The following ZFPM2 variants were observed in gnomAD, a reference collection of about 807,000 sequenced individuals.
ZFPM2 encodes the protein zinc finger protein ZFPM2.
A neutral mutation model predicts 98.6 loss-of-function variants in ZFPM2; 20 were observed. That is an observed-to-expected ratio of 0.20 (90% CI 0.14 to 0.29). The LOEUF (loss-of-function observed/expected upper bound fraction) is 0.29, where lower values mean the gene tolerates loss of function less well. Ranked by LOEUF, ZFPM2 falls within the 10% of genes least tolerant of loss-of-function variation. The pLI, the probability that ZFPM2 is intolerant of heterozygous loss-of-function variation, is 1.00. For synonymous variants in ZFPM2, 518 were observed against 502.7 expected, an observed-to-expected ratio of 1.03 and a Z score of -0.41; for missense variants, 1,310 against 1,388.6, an observed-to-expected ratio of 0.94 and a Z score of 0.90.
At chr8:105,484,615 G>A (rs768884131) in intron 3 of ZFPM2, among the ~76,000 whole-genome samples, 32 of 151,946 alleles carry the variant, frequency 2.1e-4, no homozygotes, top group Non-Finnish European at 2.9e-4. Flanking sequence ...ATGAGTACAC[G>A]TCCTTAGAAT....
intron 1 of ZFPM2, among the ~76,000 whole-genome samples, chr8:105,374,359 C>T (rs1249647986): frequency 6.6e-6 from 1 of 152,022 alleles, no homozygotes; most frequent in African/African-American, 2.4e-5. Flanking sequence ...TTTTAAGCAA[C>T]TGTAAGGAAA....
At chr8:105,616,101 A>G (rs1300615302) in intron 4 of ZFPM2, among the ~76,000 whole-genome samples, 1 of 152,116 alleles carries the variant, frequency 6.6e-6, no homozygotes, top group Non-Finnish European at 1.5e-5. Flanking sequence ...TAGATAAGGC[A>G]TTCCCAATTT....
intron 1 of ZFPM2, among the ~76,000 whole-genome samples, chr8:105,414,027 A>G (rs1290944470): frequency 6.6e-6 from 1 of 151,952 alleles, no homozygotes; most frequent in African/African-American, 2.4e-5. Flanking sequence ...GTTGCAATCA[A>G]GGCTGCCCAG....
intron 5 of ZFPM2, among the ~76,000 whole-genome samples, chr8:105,693,798 TG>T (rs1244390419): frequency 1.3e-5 from 2 of 152,054 alleles, no homozygotes; most frequent in Non-Finnish European, 2.9e-5. Flanking sequence ...TACATATTTA[TG>T]GGGTACATGT....
At chr8:105,589,319 C>T (rs1474819321) in intron 4 of ZFPM2, among the ~76,000 whole-genome samples, 1 of 152,148 alleles carries the variant, frequency 6.6e-6, no homozygotes. Context: ...TTGTTAAATG[C>T]ACATAACAAT....
rs1817229430 is a variant in ZFPM2, at chr8:105,653,850, CTA to C, written c.532+19495_532+19496del. Among the ~76,000 whole-genome samples the C allele has an allele frequency of 6.7e-5, 5 of 74,290 alleles. No homozygotes were observed. The South Asian group carries it at 1.5e-3, about 23-fold the overall frequency. 48.7% of individuals were successfully genotyped at this position (74,290 alleles called of 152,430 possible). A position where few individuals can be genotyped will look rare whatever the true frequency, so the allele number is the denominator to read the frequency against. On this transcript the variant is annotated intron_variant, in intron 5 of 7. Coordinates refer to ENST00000407775, the MANE Select transcript of ZFPM2 (RefSeq NM_012082.4). ...TTGTCTTTATACAACAGCTTGTGTG[CTA>C]TCTTTTTTTTTTTTTTTTTTTTTTT...
intron 3 of ZFPM2, among the ~76,000 whole-genome samples, chr8:105,530,442 T>A (rs1317561481): frequency 6.6e-6 from 1 of 152,124 alleles, no homozygotes; most frequent in Non-Finnish European, 1.5e-5. Flanking sequence ...AGAAATTTAT[T>A]TTTTCACAGA....
chr8:105,662,361 CAA>C (rs1452005966), intron 5 of ZFPM2: 4 of 152,076 alleles, frequency 2.6e-5, no homozygotes, highest in Non-Finnish European at 5.9e-5. Context: ...TGCTATTACA[CAA>C]ACAGTACTTA....
At chr8:105,365,470 G>A (rs1450101804) in intron 1 of ZFPM2, among the ~76,000 whole-genome samples, 1 of 152,042 alleles carries the variant, frequency 6.6e-6, no homozygotes. Context: ...ATTTAAAATA[G>A]GTGATTAAAT....
At chr8:105,351,401 G>T (rs1331398276) in intron 1 of ZFPM2, among the ~76,000 whole-genome samples, 1 of 151,260 alleles carries the variant, frequency 6.6e-6, no homozygotes, top group African/African-American at 2.4e-5. Context: ...GTGTGTGTAT[G>T]TAAATATTTC....
chr8:105,640,841 A>C (rs1167086419), intron 5 of ZFPM2, among the ~76,000 whole-genome samples: 2 of 152,024 alleles, frequency 1.3e-5, no homozygotes, highest in African/African-American at 2.4e-5. Context: ...TAAATAATAA[A>C]CTAATTTAAA....
intron 5 of ZFPM2, among the ~76,000 whole-genome samples, chr8:105,654,448 G>T (rs1314505169): frequency 6.6e-6 from 1 of 152,144 alleles, no homozygotes; most frequent in African/African-American, 2.4e-5. Flanking sequence ...TTTGATCATG[G>T]TGGACAAGGT....
At chr8:105,777,658 C>A (rs1813134830) in intron 5 of ZFPM2, among the ~76,000 whole-genome samples, 1 of 152,128 alleles carries the variant, frequency 6.6e-6, no homozygotes, top group African/African-American at 2.4e-5. Flanking sequence ...TTGCAAAATG[C>A]TTTGATTTAT....
intron 2 of ZFPM2, among the ~76,000 whole-genome samples, chr8:105,437,273 T>C (rs1466457441): frequency 6.6e-6 from 1 of 152,176 alleles, no homozygotes. Flanking sequence ...GCAATACTTA[T>C]TTTCAGTATC....
chr8:105,483,037 T>TC (rs1357444435), intron 3 of ZFPM2, among the ~76,000 whole-genome samples: 20 of 142,682 alleles, frequency 1.4e-4, no homozygotes, highest in Non-Finnish European at 2.4e-4. Flanking sequence ...CTTCCTTCCT[T>TC]CTTTATTTTA....
chr8:105,464,638 A>T (rs1269821801), intron 3 of ZFPM2, among the ~76,000 whole-genome samples: 1 of 151,988 alleles, frequency 6.6e-6, no homozygotes, highest in Non-Finnish European at 1.5e-5. Flanking sequence ...AAAGGGATTT[A>T]ATGGTGGGGT....
chr8:105,547,491 A>G (rs7008697), intron 3 of ZFPM2, among the ~76,000 whole-genome samples: 101,019 of 146,176 alleles, frequency 0.69, 36,342 homozygotes, highest in African/African-American at 0.92. Flanking sequence ...GCAGTGAGCC[A>G]AGATCACACC....
intron 5 of ZFPM2, among the ~76,000 whole-genome samples, chr8:105,640,473 G>A (rs189312674): frequency 2.1e-4 from 32 of 152,066 alleles, no homozygotes; most frequent in Non-Finnish European, 3.8e-4. Flanking sequence ...AGCCTTCAAA[G>A]TTCTGATTTT....
chr8:105,463,255 T>C (rs1233924379), intron 3 of ZFPM2, among the ~76,000 whole-genome samples: 1 of 151,332 alleles, frequency 6.6e-6, no homozygotes, highest in African/African-American at 2.4e-5. Context: ...TATATGTATA[T>C]AAACCATCTC....
Sources: gnomAD v4.1 joint callset for allele counts (sites outside exome capture counted in the v4.1 genomes callset) on GRCh38, gnomAD v4.1.1 for gene constraint, MANE v1.5 for transcripts, NCBI Gene and HGNC (gene_info 2026-07-23, HGNC 2026-07-21) for gene names.